SLC25A27: variants seen among roughly 807,000 people sequenced by gnomAD.
SLC25A27 encodes mitochondrial uncoupling protein 4.
In SLC25A27, 35 loss-of-function variants were observed where a neutral mutation model predicts 49.1. That is an observed-to-expected ratio of 0.71 (90% CI 0.54 to 0.95). SLC25A27 has a LOEUF of 0.95. Among genes scored for constraint, SLC25A27 ranks in the 40% least tolerant of loss-of-function variants. SLC25A27 has a pLI of 0.00. For synonymous variants in SLC25A27, 144 were observed against 136.9 expected, an observed-to-expected ratio of 1.05 and a Z score of -0.36; for missense variants, 339 against 397.1, an observed-to-expected ratio of 0.85 and a Z score of 1.24.
rs371275152 is a variant in SLC25A27 at position 46,662,484 on chromosome 6, A to C, written c.492A>C (p.Glu164Asp). ...QMQMEGKRKLEGKPLRFRGVH... is the reference protein window; with the variant it reads ...QMQMEGKRKLDGKPLRFRGVH... ...AAATGGAAGGAAAAAGGAAACTGGAAGGAAAACCATTGCGGTAAGTTCTCC... is the reference window on the plus strand; with the variant it reads ...AAATGGAAGGAAAAAGGAAACTGGACGGAAAACCATTGCGGTAAGTTCTCC... The change falls in exon 4 of 9, where the codon GAA (glutamate) becomes GAC (aspartate). Residue 164 changes from glutamate (E) to aspartate (D), a missense_variant. Transcript: ENST00000371347. 1 of 1,613,838 alleles carries C rather than the reference A, an allele frequency of 6.2e-7. No homozygotes were observed. The highest frequency in any genetic ancestry group is 1.3e-5 in the African/African-American group (1 of 74,948).
At chr6:46,670,441 CAA>C (rs1763488214) in intron 7 of SLC25A27, 3 of 480,480 alleles carry the variant, frequency 6.2e-6, no homozygotes, top group Non-Finnish European at 7.2e-6. Context: ...TATTTAGACA[CAA>C]GATTTTTATT....
chr6:46,674,646 T>C (rs1034779363), intron 8 of SLC25A27, among the ~76,000 whole-genome samples: 1 of 152,160 alleles, frequency 6.6e-6, no homozygotes, highest in African/African-American at 2.4e-5. Flanking sequence ...ACTCAGCTGA[T>C]CTCATTGACA....
intron 8 of SLC25A27, among the ~76,000 whole-genome samples, chr6:46,673,997 G>A (rs1477323080): frequency 6.6e-6 from 1 of 152,060 alleles, no homozygotes; most frequent in African/African-American, 2.4e-5. Context: ...TAGAAGGTGA[G>A]GGACAGAAAA....
intron 1 of SLC25A27, among the ~76,000 whole-genome samples, chr6:46,654,620 C>T (rs1441788435): frequency 6.6e-6 from 1 of 152,156 alleles, no homozygotes; most frequent in Admixed American, 6.5e-5. Context: ...GTACAAACCA[C>T]TTCAGGAACC....
At chr6:46,671,849 AAAACAAAGTGC>A (rs1763558716) in intron 8 of SLC25A27, among the ~76,000 whole-genome samples, 1 of 152,026 alleles carries the variant, frequency 6.6e-6, no homozygotes, top group South Asian at 2.1e-4. Context: ...AAATATAATA[AAAACAAAGTGC>A]TGACGTTTTT....
intron 6 of SLC25A27, 76 bp from the exon 7 acceptor site, chr6:46,670,059 C>G (rs1333986028): frequency 1.1e-5 from 9 of 828,022 alleles, no homozygotes; most frequent in Non-Finnish European, 1.7e-5. Flanking sequence ...TATATTCTTT[C>G]TGAATACCAC....
intron 6 of SLC25A27, among the ~76,000 whole-genome samples, 165 bp downstream of exon 6, chr6:46,668,958 A>C (rs1186603971): frequency 1.3e-5 from 2 of 152,202 alleles, no homozygotes; most frequent in East Asian, 3.9e-4. Context: ...TGCAGTTAGA[A>C]TGGGGAAGAG....
chr6:46,662,541 C>A, intron 4 of SLC25A27, 43 bp downstream of exon 4: 1 of 1,601,706 alleles, frequency 6.2e-7, no homozygotes, highest in Non-Finnish European at 8.5e-7. Flanking sequence ...TTCCCTTGGC[C>A]ACCGTCATAT....
chr6:46,655,531 GTTTGTTTTTTTTTT>G (rs1762944013), intron 1 of SLC25A27, among the ~76,000 whole-genome samples: 3 of 98,548 alleles, frequency 3.0e-5, no homozygotes, highest in African/African-American at 1.1e-4. Flanking sequence ...TATTGTTAAT[GTTTGTTTTTTTTTT>G]TTTTTTTTTT....
At chr6:46,667,391 C>A (rs1210946245) in intron 5 of SLC25A27, among the ~76,000 whole-genome samples, 1 of 152,120 alleles carries the variant, frequency 6.6e-6, no homozygotes, top group African/African-American at 2.4e-5. Flanking sequence ...CTATTGAGTT[C>A]TATTAAGTTC....
At position 46,676,768 on chromosome 6, in the gene SLC25A27, A is replaced by G. The variant is rs1005812350; in HGVS notation, c.*314A>G. ...GGTTTGGCCTTTGAGTTGCTATTCT[A>G]TGCTGAAGAGCCTGCTTAGAGGAGG... is the stretch of plus-strand genomic sequence containing the variant. On this transcript the variant is annotated 3_prime_UTR_variant, in exon 9 of 9. Coordinates refer to ENST00000371347, the MANE Select transcript of SLC25A27 (RefSeq NM_004277.5). 13 of 1,247,280 alleles carry G rather than the reference A, an allele frequency of 1.0e-5. No individual in the cohort carries two copies. In the African/African-American group the frequency reaches 1.6e-4, roughly 16 times the overall value. 77.3% of individuals were successfully genotyped at this position (1,247,280 alleles called of 1,614,324 possible).
rs150997376 is a variant in SLC25A27 at position 46,661,486 on chromosome 6, A to G, written c.384-890A>G. On this transcript the variant is annotated intron_variant, in intron 3 of 8. Transcript: ENST00000371347. ...TGACCTGATAGGGATAGCCTTTAAGATATGCTGTTAAGAAAACAGTGCAGA... is the reference window on the plus strand; with the variant it reads ...TGACCTGATAGGGATAGCCTTTAAGGTATGCTGTTAAGAAAACAGTGCAGA... Among the ~76,000 whole-genome samples, 427 of 152,358 alleles carry G rather than the reference A, an allele frequency of 2.8e-3. 3 individuals carry two copies. Among genetic ancestry groups the G allele is most frequent in the African/African-American group, 9.6e-3 (401 of 41,574 alleles).
chr6:46,669,012 A>G (rs1394732691), intron 6 of SLC25A27, among the ~76,000 whole-genome samples: 1 of 152,150 alleles, frequency 6.6e-6, no homozygotes, highest in Non-Finnish European at 1.5e-5. Flanking sequence ...CTCTCAAAAT[A>G]TTTGCATCTT....
At chr6:46,675,374 G>T (rs1228559303) in intron 8 of SLC25A27, among the ~76,000 whole-genome samples, 4 of 152,052 alleles carry the variant, frequency 2.6e-5, no homozygotes. Context: ...TTTATTACAA[G>T]AATATGGTAT....
At chr6:46,667,088 T>G (rs1763350791) in intron 5 of SLC25A27, among the ~76,000 whole-genome samples, 1 of 152,188 alleles carries the variant, frequency 6.6e-6, no homozygotes, top group Non-Finnish European at 1.5e-5. Context: ...GAAACTGATT[T>G]TATCAAGATT....
chr6:46,659,790 G>C (rs1263453992), intron 3 of SLC25A27, among the ~76,000 whole-genome samples: 1 of 151,804 alleles, frequency 6.6e-6, no homozygotes, highest in Non-Finnish European at 1.5e-5. Context: ...AGGAGGTGGA[G>C]GTTGCAGTGA....
At chr6:46,658,569 T>C (rs1440563081) in intron 2 of SLC25A27, 2 of 424,502 alleles carry the variant, frequency 4.7e-6, no homozygotes, top group South Asian at 1.7e-5. Flanking sequence ...AACAAACACA[T>C]AGAGCCTGCC....
intron 4 of SLC25A27, among the ~76,000 whole-genome samples, chr6:46,663,402 G>T (rs1046777054): frequency 2.0e-5 from 3 of 152,100 alleles, no homozygotes; most frequent in African/African-American, 7.2e-5. Context: ...CTGCAGCCCA[G>T]GGTCCCCTTC....
intron 3 of SLC25A27, among the ~76,000 whole-genome samples, chr6:46,660,465 G>T (rs1323045695): frequency 6.6e-6 from 1 of 152,098 alleles, no homozygotes; most frequent in East Asian, 1.9e-4. Flanking sequence ...ATTTTTGAAC[G>T]TGTAACCCCT....
Sources: gnomAD v4.1 joint callset for allele counts (sites outside exome capture counted in the v4.1 genomes callset) on GRCh38, gnomAD v4.1.1 for gene constraint, MANE v1.5 for transcripts, NCBI Gene and HGNC (gene_info 2026-07-23, HGNC 2026-07-21) for gene names.